MITF: variants seen among roughly 807,000 people sequenced by gnomAD.
MITF encodes the protein microphthalmia-associated transcription factor.
A neutral mutation model predicts 60.5 loss-of-function variants in MITF; 17 were observed. That is an observed-to-expected ratio of 0.28 (90% CI 0.19 to 0.42). The LOEUF (loss-of-function observed/expected upper bound fraction) is 0.42, where lower values mean the gene tolerates loss of function less well. Ranked by LOEUF, MITF falls within the 10% of genes least tolerant of loss-of-function variation. The probability of loss-of-function intolerance (pLI) is 1.00; values close to 1 mark genes in which losing one functional copy is unlikely to be tolerated. For missense variants in MITF, 622 were observed against 683.5 expected (o/e 0.91, Z 1.00); for synonymous variants, 260 against 248.5 (o/e 1.05, Z -0.43).
At chr3:69,854,360 C>T (rs2107188307) in intron 1 of MITF, among the ~76,000 whole-genome samples, 1 of 152,292 alleles carries the variant, frequency 6.6e-6, no homozygotes, top group South Asian at 2.1e-4. Flanking sequence ...TCCATGGGTG[C>T]TCAAGTGTCT....
chr3:69,944,351 G>A (rs1412853634), intron 5 of MITF, among the ~76,000 whole-genome samples: 4 of 152,064 alleles, frequency 2.6e-5, no homozygotes, highest in Non-Finnish European at 5.9e-5. Context: ...TAGCCCTTGA[G>A]GGGAGAAGGA....
At chr3:69,861,456 G>A (rs2064015460) in intron 1 of MITF, among the ~76,000 whole-genome samples, 1 of 152,192 alleles carries the variant, frequency 6.6e-6, no homozygotes, top group African/African-American at 2.4e-5. Context: ...AAAAGGAGAT[G>A]TTTCTTCTTT....
Position 69,887,164 on chromosome 3 carries a change from T to C in MITF, c.354+7781T>C, listed in dbSNP as rs145493321. 9.7e-3 allele frequency among the ~76,000 whole-genome samples: 1,469 copies of C among 152,212 alleles called. 10 individuals are homozygous for C. The highest frequency in any genetic ancestry group is 0.014 in the Non-Finnish European group (953 of 67,974). On this transcript the variant is annotated intron_variant, in intron 2 of 9. Transcript: ENST00000352241. ...TAAATGTCAGTGGTAATAAATCTTC[T>C]ATTACTATATTGAAAAAGTCATGAG...
At chr3:69,821,977 A>G in intron 1 of MITF, among the ~76,000 whole-genome samples, 1 of 152,146 alleles carries the variant, frequency 6.6e-6, no homozygotes, top group South Asian at 2.1e-4. Context: ...GCCTGGGCTC[A>G]AGTGTTCCAC....
At chr3:69,887,827 G>A (rs1313997930) in intron 2 of MITF, among the ~76,000 whole-genome samples, 1 of 151,966 alleles carries the variant, frequency 6.6e-6, no homozygotes, top group Non-Finnish European at 1.5e-5. Context: ...TACTAGGAGA[G>A]CATATGCATG....
At chr3:69,877,135 G>A (rs889193458) in intron 1 of MITF, among the ~76,000 whole-genome samples, 1 of 151,848 alleles carries the variant, frequency 6.6e-6, no homozygotes, top group East Asian at 1.9e-4. Flanking sequence ...ACTTTGTTCT[G>A]TAGTTGCACA....
intron 1 of MITF, among the ~76,000 whole-genome samples, chr3:69,824,132 A>G (rs1218947559): frequency 6.6e-6 from 1 of 152,204 alleles, no homozygotes; most frequent in Non-Finnish European, 1.5e-5. Flanking sequence ...AAGACCAACT[A>G]AAAAGTGATT....
At chr3:69,856,353 A>G (rs1197381404) in intron 1 of MITF, among the ~76,000 whole-genome samples, 1 of 152,226 alleles carries the variant, frequency 6.6e-6, no homozygotes, top group Non-Finnish European at 1.5e-5. Flanking sequence ...ATTAAAATCA[A>G]TATAATGAAA....
chr3:69,748,712 C>T (rs1703822310), intron 1 of MITF, among the ~76,000 whole-genome samples: 1 of 152,238 alleles, frequency 6.6e-6, no homozygotes, highest in Admixed American at 6.5e-5. Context: ...ACCCTTGCCT[C>T]TTCTCCAAAG....
At chr3:69,772,260 C>G (rs1055734279) in intron 1 of MITF, among the ~76,000 whole-genome samples, 2 of 152,098 alleles carry the variant, frequency 1.3e-5, no homozygotes, top group African/African-American at 4.8e-5. Flanking sequence ...TATTTTTGGG[C>G]ACTCTTAATA....
intron 1 of MITF, among the ~76,000 whole-genome samples, chr3:69,788,438 G>A (rs757545905): frequency 1.3e-4 from 19 of 151,882 alleles, no homozygotes; most frequent in Non-Finnish European, 2.6e-4. Context: ...GAGAAGCCAC[G>A]ATACTTTGAG....
In MITF at chr3:69,813,825, T is replaced by A. The variant is rs142387021; in HGVS notation, c.105-65309T>A. 2.6e-5 allele frequency among the ~76,000 whole-genome samples: 4 copies of A among 152,332 alleles called. No homozygotes were observed. The East Asian group carries it at 7.7e-4, about 29-fold the overall frequency. On this transcript the variant is annotated intron_variant, in intron 1 of 9. Transcript: ENST00000352241. The stretch of plus-strand genomic sequence containing the variant: ...AGTGAGAATACTTAAGGATCTTAGA[T>A]AAAATTGTGAAATGGACTTAACTAG...
chr3:69,923,452 C>G (rs970226495), intron 2 of MITF, among the ~76,000 whole-genome samples: 1 of 152,182 alleles, frequency 6.6e-6, no homozygotes, highest in Non-Finnish European at 1.5e-5. Flanking sequence ...TCAATCAATT[C>G]TCCTGCCTCA....
chr3:69,852,528 T>C (rs2063842510), intron 1 of MITF, among the ~76,000 whole-genome samples: 2 of 152,262 alleles, frequency 1.3e-5, no homozygotes, highest in South Asian at 4.1e-4. Context: ...TATTCCATTG[T>C]ATGATTACAT....
intron 2 of MITF, among the ~76,000 whole-genome samples, chr3:69,900,207 C>G (rs562350596): frequency 6.6e-6 from 1 of 152,068 alleles, no homozygotes; most frequent in African/African-American, 2.4e-5. Context: ...CTTCTAATCA[C>G]AGAGAGTGGG....
intron 1 of MITF, among the ~76,000 whole-genome samples, chr3:69,758,410 ATCC>A (rs1166637938): frequency 1.3e-5 from 2 of 151,974 alleles, no homozygotes; most frequent in African/African-American, 4.8e-5. Context: ...GCCTCAAGCA[ATCC>A]TCCTGCCTCA....
At chr3:69,894,465 C>A (rs913629207) in intron 2 of MITF, among the ~76,000 whole-genome samples, 1 of 152,120 alleles carries the variant, frequency 6.6e-6, no homozygotes, top group Non-Finnish European at 1.5e-5. Context: ...GTGGGTGGAT[C>A]ACCTGAGGTC....
At chr3:69,739,741 G>T (rs750569098) in intron 1 of MITF, 40 bp downstream of exon 1, 2 of 1,445,448 alleles carry the variant, frequency 1.4e-6, no homozygotes, top group African/African-American at 1.4e-5. Flanking sequence ...CCGGGCGGCT[G>T]GGGGGCACTG....
chr3:69,860,597 C>CAAAAAAAAAAAAA (rs1039213953), intron 1 of MITF, among the ~76,000 whole-genome samples: 1 of 60,782 alleles, frequency 1.6e-5, no homozygotes, highest in African/African-American at 6.9e-5. Context: ...GACTCCGTCT[C>CAAAAAAAAAAAAA]AAAAAAAAAA....
Sources: gnomAD v4.1 joint callset for allele counts (sites outside exome capture counted in the v4.1 genomes callset) on GRCh38, gnomAD v4.1.1 for gene constraint, MANE v1.5 for transcripts, NCBI Gene and HGNC (gene_info 2026-07-23, HGNC 2026-07-21) for gene names.